The following ACAP3 variants were observed in gnomAD, a reference collection of about 807,000 sequenced individuals.
The protein encoded by ACAP3 is ArfGAP with coiled-coil, ankyrin repeat and PH domains 3.
Under a neutral mutation model 104.1 loss-of-function variants are expected in ACAP3, and 56 were observed. The observed-to-expected ratio is 0.54, with a 90% confidence interval of 0.43 to 0.67. The LOEUF is 0.67. ACAP3 is among the 30% of genes least tolerant of loss of function. The pLI, the probability that ACAP3 is intolerant of heterozygous loss-of-function variation, is 0.00. For synonymous variants in ACAP3, 628 were observed against 496.2 expected (o/e 1.27, Z -3.53); for missense variants, 1,208 against 1,174.9 (o/e 1.03, Z -0.41).
rs1641817161 is a variant in ACAP3, at chr1:1,307,910, G to C, written c.-95C>G. 1 of 704,596 alleles carries C rather than the reference G, an allele frequency of 1.4e-6. No individual in the cohort carries two copies. Among genetic ancestry groups the C allele is most frequent in the Non-Finnish European group, 1.7e-6 (1 of 576,586 alleles). The allele number at this position is 704,596 out of a possible 1,614,324, so 43.6% of individuals were successfully genotyped here. ...CCGCTCGTCCCGCCCGCGCCGCCTCGGCGCCCGCCCGCCCCGGAATGAGGC... is the reference window on the plus strand; with the variant it reads ...CCGCTCGTCCCGCCCGCGCCGCCTCCGCGCCCGCCCGCCCCGGAATGAGGC... On this transcript the variant is annotated 5_prime_UTR_variant, in exon 1 of 24. Coordinates refer to ENST00000354700, the MANE Select transcript of ACAP3 (RefSeq NM_030649.3).
At chr1:1,299,446 C>T in intron 9 of ACAP3, 90 bp from the exon 10 acceptor site, 2 of 1,396,482 alleles carry the variant, frequency 1.4e-6, no homozygotes, top group Non-Finnish European at 1.9e-6. Context: ...GTCCCCAACT[C>T]CTGGTGACTG....
rs905383967 is a variant in ACAP3, at chr1:1,307,298, T to G, written c.47+471A>C. 4.7e-6 allele frequency: 6 copies of G among 1,288,910 alleles called. No individual in the cohort carries two copies. In the African/African-American group the frequency reaches 6.1e-5, roughly 13 times the overall value. 79.8% of individuals were successfully genotyped at this position (1,288,910 alleles called of 1,614,324 possible). A position where few individuals can be genotyped will look rare whatever the true frequency, so the allele number is the denominator to read the frequency against. On this transcript the variant is annotated intron_variant, in intron 1 of 23. Coordinates refer to ENST00000354700, the MANE Select transcript of ACAP3 (RefSeq NM_030649.3). Reference sequence around the variant, plus strand: ...CTCGGCCGCCACCCCTCCAAGCCCCTGGGTCATTCAAACCACTTCACGTTT... The same window carrying G: ...CTCGGCCGCCACCCCTCCAAGCCCCGGGGTCATTCAAACCACTTCACGTTT...
chr1:1,307,715 G>A (rs1641805863), intron 1 of ACAP3, 54 bp downstream of exon 1: 2 of 1,080,334 alleles, frequency 1.9e-6, no homozygotes. Context: ...CGGGCACAAA[G>A]GCGACAGCGA....
In ACAP3 at chr1:1,297,724, C is replaced by T. The variant is rs1354169169; in HGVS notation, c.1128+98G>A. ...ACGGGCACGGGGCAGGGGCCATCCCCGGTGGCACGTGTGTGTGTGCACAGG... is the reference window on the plus strand; with the variant it reads ...ACGGGCACGGGGCAGGGGCCATCCCTGGTGGCACGTGTGTGTGTGCACAGG... On this transcript the variant is annotated intron_variant, in intron 14 of 23. Coordinates refer to ENST00000354700, the MANE Select transcript of ACAP3 (RefSeq NM_030649.3). 51 of 1,108,452 alleles carry T rather than the reference C, an allele frequency of 4.6e-5. 4 individuals are homozygous for T. The highest frequency in any genetic ancestry group is 4.2e-4 in the South Asian group (27 of 64,590). The allele number at this position is 1,108,452 out of a possible 1,614,324, so 68.7% of individuals were successfully genotyped here.
Position 1,304,083 on chromosome 1 carries a change from C to T in ACAP3, c.105+3G>A. On this transcript the variant is annotated splice_donor_region_variant and intron_variant, in intron 2 of 23. Transcript: ENST00000354700. ...CACAGGGCGCTCCAGGCCCGCCCTT[C>T]ACCTTGTCCAGTTTGGCCTCAATCT... 4.5e-6 allele frequency: 7 copies of T among 1,550,646 alleles called. No homozygotes were observed. The highest frequency in any genetic ancestry group is 6.1e-6 in the Non-Finnish European group (7 of 1,146,864).
rs1243238603 is a variant in ACAP3, at chr1:1,294,290, G to A, written c.2140-91C>T. On this transcript the variant is annotated intron_variant, in intron 21 of 23. Transcript: ENST00000354700. Reference sequence around the variant, plus strand: ...ACCCCGGCCTTGGGCGCCCCCAGCCGGGACCGAACGTGGTCCCCACCGCGG... The same window carrying A: ...ACCCCGGCCTTGGGCGCCCCCAGCCAGGACCGAACGTGGTCCCCACCGCGG... 4 of 1,513,984 alleles carry A rather than the reference G, an allele frequency of 2.6e-6. No individual in the cohort carries two copies. In the Admixed American group the frequency reaches 6.3e-5, roughly 24 times the overall value. 93.8% of individuals were successfully genotyped at this position (1,513,984 alleles called of 1,614,324 possible). A position where few individuals can be genotyped will look rare whatever the true frequency, so the allele number is the denominator to read the frequency against.
chr1:1,294,709 G>C lies in ACAP3; in HGVS notation c.1912+9C>G. 1 of 1,549,126 alleles carries C rather than the reference G, an allele frequency of 6.5e-7. No homozygotes were observed. The highest frequency in any genetic ancestry group is 1.2e-5 in the South Asian group (1 of 84,026). On this transcript the variant is annotated intron_variant, in intron 20 of 23. Coordinates refer to ENST00000354700, the MANE Select transcript of ACAP3 (RefSeq NM_030649.3). ...CAGGGGCCTCGGGCGAGGGCAAGAC[G>C]CCACCCACCCTCCTCAGTGACGCTG... is the stretch of plus-strand genomic sequence containing the variant.
intron 1 of ACAP3, chr1:1,307,440 C>T: frequency 7.7e-7 from 1 of 1,295,510 alleles, no homozygotes; most frequent in Non-Finnish European, 1.0e-6. Flanking sequence ...ACCCAGACGA[C>T]CCTGGCCAGA....
chr1:1,307,351 GC>G (rs1438061881), intron 1 of ACAP3: 1 of 1,289,752 alleles, frequency 7.8e-7, no homozygotes. Flanking sequence ...GGCCTTAAAC[GC>G]GGCTCCAGCT....
At chr1:1,293,773 G>T (rs1466566340) in intron 23 of ACAP3, 50 bp downstream of exon 23, 3 of 1,416,418 alleles carry the variant, frequency 2.1e-6, no homozygotes, top group Non-Finnish European at 2.8e-6. Flanking sequence ...TGGAGGCCCC[G>T]CCCCTGCCCT....
chr1:1,304,261 C>T (rs1271674371), intron 1 of ACAP3, 118 bp from the exon 2 acceptor site: 2 of 1,282,462 alleles, frequency 1.6e-6, no homozygotes, highest in African/African-American at 3.0e-5. Context: ...AGGAAACAGG[C>T]TGGGAGACAG....
Position 1,294,091 on chromosome 1 carries a change from C to A in ACAP3, c.2248G>T (p.Gly750Cys), listed in dbSNP as rs769368222. The change falls in exon 22 of 24, where the codon GGC becomes TGC. Residue 750 changes from glycine (G) to cysteine (C), a missense_variant and splice_region_variant. By Grantham distance (159) the Gly-to-Cys change is radical (BLOSUM62 -3). Coordinates refer to ENST00000354700, the MANE Select transcript of ACAP3 (RefSeq NM_030649.3). ...LHHATLLGRT[G>C]QVCLFLKRGA... Reference sequence around the variant, plus strand: ...CGGGGCGTGGGTTGCGCGTCTCACCCGGTGCGGCCCAGCAGCGTGGCGTGG... The same window carrying A: ...CGGGGCGTGGGTTGCGCGTCTCACCAGGTGCGGCCCAGCAGCGTGGCGTGG... 2 of 1,567,480 alleles carry A rather than the reference C, an allele frequency of 1.3e-6. No individual in the cohort carries two copies. Among genetic ancestry groups the A allele is most frequent in the Non-Finnish European group, 8.7e-7 (1 of 1,155,910 alleles).
rs1641817764 is a variant in ACAP3 at position 1,307,928 on chromosome 1, A to G, written c.-113T>C. 4.1e-6 allele frequency: 2 copies of G among 488,342 alleles called. No homozygotes were observed. The highest frequency in any genetic ancestry group is 2.2e-5 in the African/African-American group (1 of 45,232). 30.3% of individuals were successfully genotyped at this position (488,342 alleles called of 1,614,324 possible). A position where few individuals can be genotyped will look rare whatever the true frequency, so the allele number is the denominator to read the frequency against. ...CCGCCTCGGCGCCCGCCCGCCCCGGAATGAGGCCGCCGCGCCGCGCCCCGC... is the reference window on the plus strand; with the variant it reads ...CCGCCTCGGCGCCCGCCCGCCCCGGGATGAGGCCGCCGCGCCGCGCCCCGC... On this transcript the variant is annotated 5_prime_UTR_variant, in exon 1 of 24. Transcript: ENST00000354700.
Position 1,294,125 on chromosome 1 carries a change from C to A in ACAP3, c.2214G>T (p.Ala738=), listed in dbSNP as rs372514455. The change falls in exon 22 of 24, where the codon GCG becomes GCT. Residue 738 remains alanine, a synonymous_variant. Coordinates refer to ENST00000354700, the MANE Select transcript of ACAP3 (RefSeq NM_030649.3). ...DVNQRDSRGR[A]PLHHATLLGR... ...CCAGCAGCGTGGCGTGGTGCAGGGG[C>A]GCCCGGCCCCGGCTGTCTCTTTGGT... 15 of 1,589,700 alleles carry A rather than the reference C, an allele frequency of 9.4e-6. No individual in the cohort carries two copies. The highest frequency in any genetic ancestry group is 1.3e-5 in the Non-Finnish European group (15 of 1,168,352).
chr1:1,304,566 G>A (rs776513242), intron 1 of ACAP3: 85 of 238,614 alleles, frequency 3.6e-4, no homozygotes, highest in Non-Finnish European at 6.0e-4. Context: ...GCCCATCCAG[G>A]TCTGGCACCC....
rs1247947242 is a variant in ACAP3, at chr1:1,293,636, C to A, written c.2433G>T (p.Ala811=). Residue 811 remains alanine, a synonymous_variant, in exon 24 of 24, where the codon GCG becomes GCT. Coordinates refer to ENST00000354700, the MANE Select transcript of ACAP3 (RefSeq NM_030649.3). ...EAAPGPPGAL[A]GSPTELQFRR... is the part of the protein sequence containing the mutation. ...GGAACTGGAGCTCCGTGGGGCTGCCCGCCAGGGCGCCCGGGGGACCAGGGG... is the reference window on the plus strand; with the variant it reads ...GGAACTGGAGCTCCGTGGGGCTGCCAGCCAGGGCGCCCGGGGGACCAGGGG... 6.7e-7 allele frequency: 1 copy of A among 1,485,846 alleles called. No individual in the cohort carries two copies. Among genetic ancestry groups the A allele is most frequent in the Admixed American group, 2.3e-5 (1 of 43,168 alleles). 92.0% of individuals were successfully genotyped at this position (1,485,846 alleles called of 1,614,324 possible). A position where few individuals can be genotyped will look rare whatever the true frequency, so the allele number is the denominator to read the frequency against.
rs143737257 is a variant in ACAP3 at position 1,294,003 on chromosome 1, G to A, written c.2250-70C>T. On this transcript the variant is annotated intron_variant, in intron 22 of 23. Transcript: ENST00000354700. ...GGGCGAGTGTGGTCGCGGGGGCGTG[G>A]CCGGATAGGGCATGGCGGACAGGGC... The A allele has an allele frequency of 8.2e-3, 12,073 of 1,467,162 alleles. 1,400 individuals are homozygous for A. In the East Asian group the frequency reaches 0.26, roughly 32 times the overall value. 90.9% of individuals were successfully genotyped at this position (1,467,162 alleles called of 1,614,324 possible).
chr1:1,301,992 T>G lies in ACAP3; in HGVS notation c.334A>C (p.Lys112Gln). The G allele has an allele frequency of 1.3e-6, 2 of 1,570,878 alleles. No individual in the cohort carries two copies. Among genetic ancestry groups the G allele is most frequent in the Non-Finnish European group, 1.7e-6 (2 of 1,157,204 alleles). The change falls in exon 5 of 24, where the codon AAA becomes CAA. Residue 112 changes from lysine to glutamine, a missense_variant. Physicochemically the swap from Lys to Gln is moderately conservative, Grantham distance 53. Coordinates refer to ENST00000354700, the MANE Select transcript of ACAP3 (RefSeq NM_030649.3). ...SVRQQLQSFV[K>Q]EDVRKFKETK... ...CCAGCCCTGGGGGCCACTCACTCTT[T>G]GACAAAGCTCTGGAGCTGCTGCCGC...
At chr1:1,307,256 C>T in intron 1 of ACAP3, 2 of 1,288,176 alleles carry the variant, frequency 1.6e-6, no homozygotes, top group Non-Finnish European at 1.0e-6. Flanking sequence ...CCCTACCTGA[C>T]CTTCCCCGCC....
Sources: gnomAD v4.1 joint callset for allele counts on GRCh38, gnomAD v4.1.1 for gene constraint, MANE v1.5 for transcripts, NCBI Gene and HGNC (gene_info 2026-07-23, HGNC 2026-07-21) for gene names.